The following STAG1 variants were observed in gnomAD, a reference collection of about 807,000 sequenced individuals.
The protein encoded by STAG1 is cohesin subunit SA-1.
STAG1 carries 26 observed loss-of-function variants against 170.9 expected under a neutral mutation model. The ratio of observed to expected loss-of-function variants is 0.15; its 90% CI spans 0.11 to 0.21. STAG1 has a LOEUF of 0.21. Among genes scored for constraint, STAG1 ranks in the 10% least tolerant of loss-of-function variants. STAG1 has a pLI of 1.00. For missense variants in STAG1, 964 were observed against 1,509.5 expected (o/e 0.64, Z 5.99); for synonymous variants, 514 against 497.7 (o/e 1.03, Z -0.44).
intron 3 of STAG1, among the ~76,000 whole-genome samples, chr3:136,613,909 C>T (rs1939443913): frequency 6.6e-6 from 1 of 152,172 alleles, no homozygotes; most frequent in African/African-American, 2.4e-5. Flanking sequence ...TATCCCCAAA[C>T]ATGGCTTTCA....
At chr3:136,682,508 CG>C (rs111624594) in intron 1 of STAG1, among the ~76,000 whole-genome samples, 74 of 149,618 alleles carry the variant, frequency 4.9e-4, no homozygotes, top group Admixed American at 1.8e-3. Flanking sequence ...ATATGTCACA[CG>C]AAAAAAACAC....
intron 1 of STAG1, among the ~76,000 whole-genome samples, chr3:136,733,075 A>G: frequency 6.6e-6 from 1 of 151,018 alleles, no homozygotes; most frequent in Admixed American, 6.7e-5. Context: ...TCTAGTGGTT[A>G]AAACCTAACT....
chr3:136,447,202 T>G (rs1279724369), intron 14 of STAG1, among the ~76,000 whole-genome samples: 1 of 150,750 alleles, frequency 6.6e-6, no homozygotes, highest in Non-Finnish European at 1.5e-5. Context: ...GAAGGGTGAC[T>G]GGCTGGGCGT....
intron 4 of STAG1, among the ~76,000 whole-genome samples, chr3:136,585,631 TAATC>T (rs1937779039): frequency 2.0e-5 from 3 of 151,500 alleles, no homozygotes; most frequent in South Asian, 4.2e-4. Flanking sequence ...AAAATAAAAT[TAATC>T]AATTCCAATT....
intron 1 of STAG1, among the ~76,000 whole-genome samples, chr3:136,706,370 G>A (rs1318527054): frequency 6.6e-6 from 1 of 151,930 alleles, no homozygotes; most frequent in Admixed American, 6.6e-5. Context: ...CCACTAAACT[G>A]ATAAAAAAAT....
At chr3:136,465,650 C>A (rs1018377553) in intron 12 of STAG1, among the ~76,000 whole-genome samples, 1 of 144,780 alleles carries the variant, frequency 6.9e-6, no homozygotes, top group Non-Finnish European at 1.5e-5. Flanking sequence ...ATACTAAAAC[C>A]AACAAAATCA....
At chr3:136,592,695 T>C (rs190639757) in intron 4 of STAG1, among the ~76,000 whole-genome samples, 2 of 152,274 alleles carry the variant, frequency 1.3e-5, no homozygotes, top group East Asian at 3.9e-4. Flanking sequence ...AGTTGCCAAA[T>C]ACTTCATGGT....
chr3:136,610,290 C>A (rs1939206478), intron 3 of STAG1, among the ~76,000 whole-genome samples: 1 of 152,180 alleles, frequency 6.6e-6, no homozygotes. Flanking sequence ...CCACCTCAGC[C>A]TTCCAAAGTG....
intron 12 of STAG1, 100 bp from the exon 13 acceptor site, chr3:136,465,088 T>A: frequency 2.7e-6 from 2 of 727,280 alleles, no homozygotes; most frequent in Non-Finnish European, 2.1e-6. Flanking sequence ...GCTCAAGACT[T>A]AATAATTGTT....
Position 136,366,961 on chromosome 3 carries a change from G to C in STAG1, c.2667C>G (p.Ile889Met). 1 of 1,603,616 alleles carries C rather than the reference G, an allele frequency of 6.2e-7. No individual in the cohort carries two copies. ...DIVDMHAAADIFKHYMKYYND... is the reference protein window; with the variant it reads ...DIVDMHAAADMFKHYMKYYND... Reference sequence around the variant, plus strand: ...ACTATACCTTCATGTAGTGTTTGAAGATGTCTGCAGCTGCATGCATGTCAA... The same window carrying C: ...ACTATACCTTCATGTAGTGTTTGAACATGTCTGCAGCTGCATGCATGTCAA... The change falls in exon 25 of 34, where the codon ATC becomes ATG. Residue 889 changes from isoleucine (I) to methionine (M), a missense_variant. This residue lies in a region of STAG1 where 149 missense variants were observed against 301.3 expected (regional missense o/e 0.49). Coordinates refer to ENST00000383202, the MANE Select transcript of STAG1 (RefSeq NM_005862.3).
In STAG1 at chr3:136,336,935, A is replaced by C. The variant is rs1294507854; in HGVS notation, c.*1319T>G. On this transcript the variant is annotated 3_prime_UTR_variant, in exon 34 of 34. Coordinates refer to ENST00000383202, the MANE Select transcript of STAG1 (RefSeq NM_005862.3). ...TGGATGAATTGGTTTGGAAATTCTGAGGCTTACTTTAGAAATCAGAAAGGA... is the reference window on the plus strand; with the variant it reads ...TGGATGAATTGGTTTGGAAATTCTGCGGCTTACTTTAGAAATCAGAAAGGA... 1 of 132,364 alleles carries C rather than the reference A, an allele frequency of 7.6e-6. No individual in the cohort carries two copies. The highest frequency in any genetic ancestry group is 1.6e-5 in the Non-Finnish European group (1 of 63,418). The allele number at this position is 132,364 out of a possible 1,614,324, so 8.2% of individuals were successfully genotyped here.
intron 6 of STAG1, among the ~76,000 whole-genome samples, chr3:136,536,175 T>C (rs1288978451): frequency 1.3e-5 from 2 of 152,154 alleles, no homozygotes; most frequent in East Asian, 3.8e-4. Context: ...TAATGAGTGA[T>C]GTCTCAGATA....
At position 136,337,693 on chromosome 3, in the gene STAG1, C is replaced by T. The variant is rs539715306; in HGVS notation, c.*561G>A. On this transcript the variant is annotated 3_prime_UTR_variant, in exon 34 of 34. Coordinates refer to ENST00000383202, the MANE Select transcript of STAG1 (RefSeq NM_005862.3). ...ATGTCAGAATTTCATCTTAGCTTGT[C>T]AATGTTCTGCTCCTTCATTATTTGT... 3.3e-5 allele frequency: 5 copies of T among 152,718 alleles called. No individual in the cohort carries two copies. The highest frequency in any genetic ancestry group is 1.9e-4 in the East Asian group (1 of 5,188). The allele number at this position is 152,718 out of a possible 1,614,324, so 9.5% of individuals were successfully genotyped here. A position where few individuals can be genotyped will look rare whatever the true frequency, so the allele number is the denominator to read the frequency against.
At chr3:136,712,087 G>A (rs1237219016) in intron 1 of STAG1, among the ~76,000 whole-genome samples, 3 of 152,098 alleles carry the variant, frequency 2.0e-5, no homozygotes, top group East Asian at 1.9e-4. Context: ...GCATGATCTC[G>A]GCTCACTGCA....
intron 3 of STAG1, among the ~76,000 whole-genome samples, chr3:136,616,148 C>T (rs550414771): frequency 2.7e-5 from 4 of 150,810 alleles, no homozygotes; most frequent in South Asian, 2.1e-4. Context: ...GGGCACCTGT[C>T]GTCCCAGCTA....
intron 6 of STAG1, among the ~76,000 whole-genome samples, chr3:136,521,921 T>C (rs1934698577): frequency 6.6e-6 from 1 of 152,180 alleles, no homozygotes. Flanking sequence ...TCCAACCAAA[T>C]TTCCTCAAAT....
At chr3:136,647,799 T>C (rs1367556301) in intron 1 of STAG1, among the ~76,000 whole-genome samples, 1 of 152,216 alleles carries the variant, frequency 6.6e-6, no homozygotes, top group Non-Finnish European at 1.5e-5. Flanking sequence ...AGGCAGTTTA[T>C]ATTCATTGCT....
chr3:136,436,950 G>A (rs775658949), intron 15 of STAG1, among the ~76,000 whole-genome samples: 42 of 152,116 alleles, frequency 2.8e-4, no homozygotes, highest in Non-Finnish European at 4.7e-4. Flanking sequence ...ATCTGTATCC[G>A]AATGATCCAA....
chr3:136,635,016 A>T (rs992317832), intron 1 of STAG1, among the ~76,000 whole-genome samples: 2 of 152,186 alleles, frequency 1.3e-5, no homozygotes, highest in Non-Finnish European at 2.9e-5. Context: ...CAGGAAGAAA[A>T]GCCCAGGACC....
Sources: allele counts gnomAD v4.1 joint callset (sites outside exome capture counted in the v4.1 genomes callset), GRCh38; gene constraint gnomAD v4.1.1; regional missense constraint gnomAD v4.1.1; transcripts MANE v1.5; gene names NCBI Gene and HGNC (gene_info 2026-07-23, HGNC 2026-07-21).